CHST8: variants seen among roughly 807,000 people sequenced by gnomAD.
CHST8 encodes GALNAC-4-ST1.
A neutral mutation model predicts 15.0 loss-of-function variants in CHST8; 10 were observed. The ratio of observed to expected loss-of-function variants is 0.67; its 90% CI spans 0.41 to 1.13. CHST8 has a LOEUF of 1.13. Among genes scored for constraint, CHST8 ranks in the 50% most tolerant of loss-of-function variants. The pLI is 0.00. For missense variants in CHST8, 634 were observed against 608.2 expected (o/e 1.04, Z -0.45); for synonymous variants, 259 against 256.6 (o/e 1.01, Z -0.09).
intron 2 of CHST8, among the ~76,000 whole-genome samples, chr19:33,680,636 A>G (rs1428992869): frequency 1.3e-5 from 2 of 152,268 alleles, no homozygotes. Context: ...ATCGATATTA[A>G]TAATTGTTTG....
chr19:33,663,222 G>A (rs1218034620), intron 1 of CHST8, among the ~76,000 whole-genome samples: 1 of 152,132 alleles, frequency 6.6e-6, no homozygotes, highest in Admixed American at 6.5e-5. Flanking sequence ...TCAGATGTTT[G>A]TGTGCATGGA....
chr19:33,765,555 CAGAGAGAGAG>C lies in CHST8; in HGVS notation c.131-5838_131-5829del, dbSNP rs3073708. ...TGTGTGTGTGTGTGTGTGTGTGTGT[CAGAGAGAGAG>C]AGAGAGAGAGAGAGAGAGACGGAGT... On this transcript the variant is annotated intron_variant, in intron 3 of 4. Coordinates refer to ENST00000650847, the MANE Select transcript of CHST8 (RefSeq NM_001127895.2). Among the ~76,000 whole-genome samples the C allele has an allele frequency of 6.4e-5, 8 of 125,826 alleles. No homozygotes were observed. In the East Asian group the frequency reaches 7.6e-4, roughly 12 times the overall value. 82.5% of individuals were successfully genotyped at this position (125,826 alleles called of 152,430 possible). A position where few individuals can be genotyped will look rare whatever the true frequency, so the allele number is the denominator to read the frequency against.
chr19:33,685,400 G>T (rs965020547), intron 2 of CHST8, among the ~76,000 whole-genome samples: 9 of 151,582 alleles, frequency 5.9e-5, no homozygotes, highest in African/African-American at 2.2e-4. Context: ...CGCCATTCAG[G>T]CCTGGGGGAG....
chr19:33,707,213 C>T (rs929862113), intron 3 of CHST8, among the ~76,000 whole-genome samples: 2 of 152,166 alleles, frequency 1.3e-5, no homozygotes, highest in Non-Finnish European at 2.9e-5. Context: ...CCACTGTGCC[C>T]GGCTAACTTT....
intron 3 of CHST8, among the ~76,000 whole-genome samples, chr19:33,710,287 T>C (rs1048086689): frequency 6.6e-6 from 1 of 152,220 alleles, no homozygotes; most frequent in African/African-American, 2.4e-5. Flanking sequence ...AGAACCAACT[T>C]TTAGTTTCAT....
chr19:33,766,652 C>T (rs904960214), intron 3 of CHST8, among the ~76,000 whole-genome samples: 4 of 152,346 alleles, frequency 2.6e-5, no homozygotes, highest in Admixed American at 1.3e-4. Context: ...CCAGGTGGAG[C>T]CGAAGCTCAG....
At chr19:33,643,773 T>C (rs1017372777) in intron 1 of CHST8, among the ~76,000 whole-genome samples, 1 of 152,226 alleles carries the variant, frequency 6.6e-6, no homozygotes, top group African/African-American at 2.4e-5. Context: ...TCTTGTGTGA[T>C]ATCACATTTT....
intron 1 of CHST8, among the ~76,000 whole-genome samples, chr19:33,631,763 C>T (rs1468498735): frequency 6.6e-6 from 1 of 152,068 alleles, no homozygotes; most frequent in African/African-American, 2.4e-5. Context: ...AACCACTCCC[C>T]GCCCTCCCTC....
intron 3 of CHST8, among the ~76,000 whole-genome samples, chr19:33,705,500 A>C (rs1973429021): frequency 6.6e-6 from 1 of 152,228 alleles, no homozygotes; most frequent in African/African-American, 2.4e-5. Context: ...CTCACATGCA[A>C]ATATTTGCAC....
chr19:33,704,420 G>A (rs892555828), intron 3 of CHST8, among the ~76,000 whole-genome samples: 25 of 152,156 alleles, frequency 1.6e-4, no homozygotes, highest in Non-Finnish European at 1.9e-4. Context: ...GGATCCATCA[G>A]ACAGTAGGCC....
At chr19:33,639,875 T>C (rs1972257679) in intron 1 of CHST8, among the ~76,000 whole-genome samples, 3 of 150,908 alleles carry the variant, frequency 2.0e-5, no homozygotes. Context: ...AGTCTCACTC[T>C]GTCTCCCAGG....
At chr19:33,741,967 G>A (rs1381906574) in intron 3 of CHST8, among the ~76,000 whole-genome samples, 1 of 152,046 alleles carries the variant, frequency 6.6e-6, no homozygotes, top group East Asian at 1.9e-4. Context: ...CCAGGCTTGG[G>A]TCATTTATTA....
intron 3 of CHST8, among the ~76,000 whole-genome samples, chr19:33,744,721 C>T (rs1308003687): frequency 6.6e-6 from 1 of 152,018 alleles, no homozygotes; most frequent in Non-Finnish European, 1.5e-5. Context: ...TGCACCACAA[C>T]CCCCACCTAA....
intron 1 of CHST8, among the ~76,000 whole-genome samples, chr19:33,644,396 G>T (rs1972323228): frequency 6.6e-6 from 1 of 152,102 alleles, no homozygotes; most frequent in South Asian, 2.1e-4. Flanking sequence ...CCCCCATGGA[G>T]TCAGTGTTCT....
intron 3 of CHST8, among the ~76,000 whole-genome samples, chr19:33,734,355 A>G (rs1974044696): frequency 1.3e-5 from 2 of 152,226 alleles, no homozygotes. Context: ...GCAATGAAGA[A>G]TGGAATAGCC....
intron 3 of CHST8, among the ~76,000 whole-genome samples, chr19:33,766,474 G>A (rs373774649): frequency 2.0e-5 from 3 of 152,212 alleles, no homozygotes; most frequent in Admixed American, 6.5e-5. Flanking sequence ...GGTCAGGTGC[G>A]TGACCAGCTG....
At chr19:33,768,687 C>G (rs1032933338) in intron 3 of CHST8, among the ~76,000 whole-genome samples, 2 of 152,134 alleles carry the variant, frequency 1.3e-5, no homozygotes, top group Admixed American at 1.3e-4. Flanking sequence ...CTCCCGGACT[C>G]AAGTGATCAG....
At chr19:33,635,062 G>A (rs927230712) in intron 1 of CHST8, among the ~76,000 whole-genome samples, 19 of 152,084 alleles carry the variant, frequency 1.2e-4, no homozygotes, top group Non-Finnish European at 1.9e-4. Context: ...TGTGTTATTG[G>A]GTCCCTCTGG....
At chr19:33,626,434 T>C (rs983889025) in intron 1 of CHST8, among the ~76,000 whole-genome samples, 1 of 152,022 alleles carries the variant, frequency 6.6e-6, no homozygotes, top group Admixed American at 6.6e-5. Flanking sequence ...AGAGTATCTG[T>C]GCAATAATTT....
Sources: allele counts gnomAD v4.1 joint callset (sites outside exome capture counted in the v4.1 genomes callset), GRCh38; gene constraint gnomAD v4.1.1; transcripts MANE v1.5; gene names NCBI Gene and HGNC (gene_info 2026-07-23, HGNC 2026-07-21).